Variants in SLC12A4 observed in about 807,000 individuals in gnomAD.
SLC12A4 encodes electroneutral potassium-chloride cotransporter 1.
SLC12A4 carries 84 observed loss-of-function variants against 119.2 expected under a neutral mutation model. The ratio of observed to expected loss-of-function variants is 0.70; its 90% confidence interval spans 0.59 to 0.85. The LOEUF (loss-of-function observed/expected upper bound fraction) is 0.85. Ranked by LOEUF, SLC12A4 falls within the 40% of genes least tolerant of loss-of-function variation. The pLI, the probability that SLC12A4 is intolerant of heterozygous loss-of-function variation, is 0.00. For missense variants in SLC12A4, 1,298 were observed against 1,476.3 expected (o/e 0.88, Z 1.98); for synonymous variants, 599 against 604.6 (o/e 0.99, Z 0.14).
Position 67,951,098 on chromosome 16 carries a change from G to T in SLC12A4, c.1298-38C>A, listed in dbSNP as rs1729682624. 1 of 1,613,638 alleles carries T rather than the reference G, an allele frequency of 6.2e-7. No homozygotes were observed. Among genetic ancestry groups the T allele is most frequent in the African/African-American group, 1.3e-5 (1 of 74,916 alleles). On this transcript the variant is annotated intron_variant, in intron 9 of 23. Transcript: ENST00000316341. The surrounding 1 kb of genome is among the most constrained non-coding windows in gnomAD (Gnocchi z 5.2). ...ATGAGACTCCCTCAGGGGCTCCCCG[G>T]GATTGGGGACAGGGCTGGGTGGGTA...
At chr16:67,963,782 T>C in intron 1 of SLC12A4, 2 of 1,154,314 alleles carry the variant, frequency 1.7e-6, no homozygotes, top group South Asian at 3.1e-5. Flanking sequence ...TTCCCTCCAG[T>C]GAAGGGAATC....
Position 67,963,549 on chromosome 16 carries a change from G to C in SLC12A4, c.126C>G (p.Asn42Lys), listed in dbSNP as rs138697349. Residue 42 changes from asparagine (N) to lysine (K), a missense_variant, in exon 2 of 24, where the codon AAC (asparagine) becomes AAG (lysine). Physicochemically the swap from Asn to Lys is moderately conservative, Grantham distance 94 (BLOSUM62 0). Coordinates refer to ENST00000316341, the MANE Select transcript of SLC12A4 (RefSeq NM_005072.5). Reference sequence around the variant, plus strand: ...AAAGAAAAGGGCTGCTCTCTCTGTGGTTGCCATGTCCTGTGAAGAGAGAGG... The same window carrying C: ...AAAGAAAAGGGCTGCTCTCTCTGTGCTTGCCATGTCCTGTGAAGAGAGAGG... ...AELDDSDGHGNHRESSPFLSP... is the reference protein window; with the variant it reads ...AELDDSDGHGKHRESSPFLSP... 14 of 1,579,368 alleles carry C rather than the reference G, an allele frequency of 8.9e-6. No individual in the cohort carries two copies. The highest frequency in any genetic ancestry group is 1.2e-5 in the Non-Finnish European group (14 of 1,168,480).
chr16:67,964,740 C>T (rs3785102), intron 1 of SLC12A4, among the ~76,000 whole-genome samples: 18 of 152,244 alleles, frequency 1.2e-4, no homozygotes, highest in East Asian at 1.2e-3. Flanking sequence ...TGGCCATGCC[C>T]GCCAACCTTT....
chr16:67,966,736 G>C, intron 1 of SLC12A4: 1 of 1,551,438 alleles, frequency 6.4e-7, no homozygotes. Context: ...TCCCCACCAA[G>C]GATCAAAATC....
At position 67,968,440 on chromosome 16, in the gene SLC12A4, G is replaced by T. The variant is rs749934530; in HGVS notation, c.114C>A (p.Asp38Glu). 2 of 1,570,982 alleles carry T rather than the reference G, an allele frequency of 1.3e-6. No individual in the cohort carries two copies. ...CGGCCCCTCAGAACGCGCCCTCACCGTCCGAGTCATCCAGCTCGGCGCGCT... is the reference window on the plus strand; with the variant it reads ...CGGCCCCTCAGAACGCGCCCTCACCTTCCGAGTCATCCAGCTCGGCGCGCT... ...YGERAELDDS[D>E]GHGNHRESSP... The change falls in exon 1 of 24, where the codon GAC becomes GAA. Residue 38 changes from aspartate to glutamate, a missense_variant and splice_region_variant. Asp to Glu is a conservative substitution (Grantham distance 45, BLOSUM62 2). Transcript: ENST00000316341.
chr16:67,955,357 C>T (rs2030195817), intron 5 of SLC12A4, among the ~76,000 whole-genome samples: 1 of 152,240 alleles, frequency 6.6e-6, no homozygotes, highest in Admixed American at 6.5e-5. Context: ...TCTCATGTTG[C>T]TGGTTGTATC....
At position 67,952,207 on chromosome 16, in the gene SLC12A4, A is replaced by G; in HGVS notation, c.894T>C (p.Ser298=). 1 of 1,614,134 alleles carries G rather than the reference A, an allele frequency of 6.2e-7. No individual in the cohort carries two copies. The highest frequency in any genetic ancestry group is 8.5e-7 in the Non-Finnish European group (1 of 1,180,036). The change falls in exon 7 of 24, where the codon TCT becomes TCC. Residue 298 remains serine, a synonymous_variant. Coordinates refer to ENST00000316341, the MANE Select transcript of SLC12A4 (RefSeq NM_005072.5). ...ACGGAAACACGGGAGGGTCAAATAT[A>G]GACTTTATGCCCCCAGCATAGATGG... ...ILSIYAGGIK[S]IFDPPVFPVC... is the part of the protein sequence containing the mutation.
At chr16:67,947,163 T>TC in intron 16 of SLC12A4, 58 bp from the exon 17 acceptor site, 1 of 1,533,810 alleles carries the variant, frequency 6.5e-7, no homozygotes, top group South Asian at 1.2e-5. Flanking sequence ...AGGGAGCCCC[T>TC]CCTCTTCTTC....
rs1598217244 is a variant in SLC12A4 at position 67,951,526 on chromosome 16, C to G, written c.1133-222G>C. Reference sequence around the variant, plus strand: ...GTGGCTGAACCACCGTCACCCAGAGCCCGCCACTGCCCGCCTTCCACAGAG... The same window carrying G: ...GTGGCTGAACCACCGTCACCCAGAGGCCGCCACTGCCCGCCTTCCACAGAG... On this transcript the variant is annotated intron_variant, in intron 8 of 23. Coordinates refer to ENST00000316341, the MANE Select transcript of SLC12A4 (RefSeq NM_005072.5). This position sits in a 1 kb window ranked among gnomAD's most constrained non-coding sequence, Gnocchi z 5.2. The G allele has an allele frequency of 1.6e-6, 1 of 613,112 alleles. No individual in the cohort carries two copies. The highest frequency in any genetic ancestry group is 2.8e-5 in the East Asian group (1 of 36,136). The allele number at this position is 613,112 out of a possible 1,614,324, so 38.0% of individuals were successfully genotyped here. A position where few individuals can be genotyped will look rare whatever the true frequency, so the allele number is the denominator to read the frequency against.
chr16:67,952,687 G>A (rs537080759), intron 6 of SLC12A4, among the ~76,000 whole-genome samples: 1 of 152,048 alleles, frequency 6.6e-6, no homozygotes, highest in East Asian at 1.9e-4. Context: ...GCAACTGGAG[G>A]CTGAGGCAGG....
Position 67,952,164 on chromosome 16 carries a change from T to C in SLC12A4, c.917+20A>G, listed in dbSNP as rs761223452. The stretch of plus-strand genomic sequence containing the variant: ...GAGGGATGTCCATGCAATGCCCAGA[T>C]AAATTCCTGGGTTACTTACGGAAAC... On this transcript the variant is annotated intron_variant, in intron 7 of 23. Coordinates refer to ENST00000316341, the MANE Select transcript of SLC12A4 (RefSeq NM_005072.5). 1.9e-6 allele frequency: 3 copies of C among 1,613,292 alleles called. No individual in the cohort carries two copies. The highest frequency in any genetic ancestry group is 1.1e-5 in the South Asian group (1 of 91,078).
At position 67,950,454 on chromosome 16, in the gene SLC12A4, T is replaced by C. The variant is rs1161338748; in HGVS notation, c.1494A>G (p.Thr498=). The C allele has an allele frequency of 1.2e-6, 2 of 1,613,870 alleles. No homozygotes were observed. The highest frequency in any genetic ancestry group is 1.7e-6 in the Non-Finnish European group (2 of 1,180,024). The change falls in exon 12 of 24, where the codon ACA becomes ACG. Residue 498 remains threonine, a synonymous_variant. Coordinates refer to ENST00000316341, the MANE Select transcript of SLC12A4 (RefSeq NM_005072.5). The surrounding 1 kb of genome is among the most constrained non-coding windows in gnomAD (Gnocchi z 4.3). ...TGACCCAGGGTGAAGGCCAGGCCAG[T>C]GTGCCCACCACCAAGTTCCTGCTGA... is the stretch of plus-strand genomic sequence containing the variant. ...DGVSRNLVVG[T]LAWPSPWVIV...
intron 2 of SLC12A4, chr16:67,963,213 C>T (rs1408670764): frequency 4.4e-6 from 1 of 226,830 alleles, no homozygotes; most frequent in Non-Finnish European, 8.6e-6. Flanking sequence ...CGTTTCCTTG[C>T]TGAGGGGTTG....
chr16:67,961,778 G>A, intron 2 of SLC12A4, 72 bp from the exon 3 acceptor site: 1 of 1,587,970 alleles, frequency 6.3e-7, no homozygotes, highest in South Asian at 1.1e-5. Context: ...CAGCTGCCTG[G>A]TCCCTGGCCC....
intron 1 of SLC12A4, among the ~76,000 whole-genome samples, chr16:67,965,312 C>CAA (rs11383451): frequency 1.3e-5 from 2 of 151,970 alleles, no homozygotes; most frequent in African/African-American, 4.8e-5. Context: ...ATTTTTGTGA[C>CAA]AAAAAAAGTG....
intron 1 of SLC12A4, among the ~76,000 whole-genome samples, chr16:67,967,231 C>T (rs1015075719): frequency 3.3e-5 from 5 of 152,220 alleles, no homozygotes; most frequent in Admixed American, 6.5e-5. Context: ...CCATCATTCA[C>T]ATTGGGCATG....
At position 67,944,746 on chromosome 16, in the gene SLC12A4, G is replaced by A; in HGVS notation, c.*94C>T. 6.6e-7 allele frequency: 1 copy of A among 1,519,312 alleles called. No individual in the cohort carries two copies. The highest frequency in any genetic ancestry group is 2.4e-5 in the East Asian group (1 of 40,966). The allele number at this position is 1,519,312 out of a possible 1,614,324, so 94.1% of individuals were successfully genotyped here. On this transcript the variant is annotated 3_prime_UTR_variant, in exon 24 of 24. Coordinates refer to ENST00000316341, the MANE Select transcript of SLC12A4 (RefSeq NM_005072.5). This position sits in a 1 kb window ranked among gnomAD's most constrained non-coding sequence, Gnocchi z 6.6. ...GGACAGGGCCAGGCAAGCAGGGCTG[G>A]CAGGTGGGTGCTGGGAAGAGGCTGT...
chr16:67,957,708 C>A, intron 5 of SLC12A4, 34 bp downstream of exon 5: 1 of 1,612,018 alleles, frequency 6.2e-7, no homozygotes, highest in Admixed American at 1.7e-5. Context: ...GGGTCCTTTT[C>A]TCTTCCACCA....
chr16:67,945,378 T>G lies in SLC12A4; in HGVS notation c.3023A>C (p.His1008Pro). The change falls in exon 22 of 24, where the codon CAC (histidine) becomes CCC (proline). Residue 1008 changes from histidine (H) to proline (P), a missense_variant. Coordinates refer to ENST00000316341, the MANE Select transcript of SLC12A4 (RefSeq NM_005072.5). ...TTTTTGCTGCACTCACGGCTTAATGTGCACCAGCTCCCGGAAATTGTCAGG... is the reference window on the plus strand; with the variant it reads ...TTTTTGCTGCACTCACGGCTTAATGGGCACCAGCTCCCGGAAATTGTCAGG... Reference protein sequence around the residue: ...HAPDNFRELVHIKPDQSNVRR... With the variant: ...HAPDNFRELVPIKPDQSNVRR... 2 of 1,613,598 alleles carry G rather than the reference T, an allele frequency of 1.2e-6. No homozygotes were observed. Among genetic ancestry groups the G allele is most frequent in the Non-Finnish European group, 1.7e-6 (2 of 1,179,740 alleles).
Sources: gnomAD v4.1 joint callset for allele counts (sites outside exome capture counted in the v4.1 genomes callset) on GRCh38, gnomAD v4.1.1 for gene constraint, Gnocchi (gnomAD v3.1) non-coding constraint, MANE v1.5 for transcripts, NCBI Gene and HGNC (gene_info 2026-07-23, HGNC 2026-07-21) for gene names.